Variants in PUDP observed in about 807,000 individuals in gnomAD.
PUDP encodes pseudouridine-5'-phosphatase.
A neutral mutation model predicts 9.4 loss-of-function variants in PUDP; 8 were observed. The observed-to-expected ratio is 0.85, with a 90% CI of 0.50 to 1.53. PUDP has a LOEUF of 1.53. Ranked by LOEUF, PUDP falls within the 40% of genes most tolerant of loss-of-function variation. The probability of loss-of-function intolerance (pLI) is 0.00; values close to 1 mark genes in which losing one functional copy is unlikely to be tolerated. For missense variants in PUDP, 188 were observed against 189.7 expected (o/e 0.99, Z 0.05); for synonymous variants, 99 against 80.7 (o/e 1.23, Z -1.22).
chrX:6,935,129 G>A (rs1233257138), intron 3 of PUDP, among the ~76,000 whole-genome samples: 18 of 100,614 alleles, frequency 1.8e-4, no homozygotes, highest in East Asian at 6.4e-4. Context: ...TGCACCAAGC[G>A]GACCTAATAG....
chrX:6,766,104 A>T (rs1015208738), intron 3 of PUDP, among the ~76,000 whole-genome samples: 1 of 111,884 alleles, frequency 8.9e-6, no homozygotes, highest in Non-Finnish European at 1.9e-5. Flanking sequence ...GATGCTTAAA[A>T]AAAAAACTGT....
intron 1 of PUDP, among the ~76,000 whole-genome samples, chrX:7,041,463 C>T (rs1929921005): frequency 8.9e-6 from 1 of 111,883 alleles, no homozygotes; most frequent in South Asian, 3.8e-4. Flanking sequence ...ACTGTTCCCT[C>T]GAAGGCATCA....
At chrX:6,869,892 G>T (rs1023815156) in intron 3 of PUDP, among the ~76,000 whole-genome samples, 2 of 111,380 alleles carry the variant, frequency 1.8e-5, no homozygotes, top group Non-Finnish European at 3.8e-5. Context: ...ATATGCTCTA[G>T]CAATTCTACT....
intron 3 of PUDP, among the ~76,000 whole-genome samples, chrX:6,967,960 A>G (rs1928812249): frequency 8.9e-6 from 1 of 112,357 alleles, no homozygotes; most frequent in Non-Finnish European, 1.9e-5. Context: ...GAATCTAGAC[A>G]GACAGGCTGG....
intron 3 of PUDP, among the ~76,000 whole-genome samples, chrX:6,857,336 G>A (rs1926922162): frequency 8.8e-6 from 1 of 113,182 alleles, no homozygotes; most frequent in South Asian, 3.6e-4. Context: ...TGATAAAGCT[G>A]CACTCATAGA....
Position 7,000,924 on chromosome X carries a change from G to A in PUDP, c.205-22581C>T, listed in dbSNP as rs955313689. On this transcript the variant is annotated intron_variant and NMD_transcript_variant, in intron 1 of 3. Coordinates refer to the PUDP transcript ENST00000655425. ...ACATATAATATAATATTAAATAATT[G>A]TATCAAGCTTCATCTTGGGGGAAAA... is the stretch of plus-strand genomic sequence containing the variant. Among the ~76,000 whole-genome samples the A allele has an allele frequency of 3.7e-5, 4 of 107,457 alleles. No individual in the cohort carries two copies. The South Asian group carries it at 1.6e-3, about 43-fold the overall frequency. 93.3% of individuals were successfully genotyped at this position (107,457 alleles called of 115,157 possible). A position where few individuals can be genotyped will look rare whatever the true frequency, so the allele number is the denominator to read the frequency against.
intron 3 of PUDP, among the ~76,000 whole-genome samples, chrX:6,763,167 T>C (rs762221387): frequency 4.4e-4 from 49 of 112,251 alleles, no homozygotes; most frequent in Non-Finnish European, 8.1e-4. Context: ...GGTGGGTGGA[T>C]CAGTTGAGGC....
intron 3 of PUDP, among the ~76,000 whole-genome samples, chrX:6,757,289 C>T (rs1404934142): frequency 9.0e-6 from 1 of 111,183 alleles, no homozygotes; most frequent in Non-Finnish European, 1.9e-5. Flanking sequence ...AACATATTTT[C>T]AGCCAGGGTC....
At chrX:6,803,867 G>C (rs769859372) in intron 3 of PUDP, among the ~76,000 whole-genome samples, 131 of 111,250 alleles carry the variant, frequency 1.2e-3, no homozygotes, top group Middle Eastern at 9.2e-3. Flanking sequence ...ATAGCTCCAA[G>C]GTAAAGAATA....
At chrX:6,967,100 C>T (rs189876441) in intron 3 of PUDP, among the ~76,000 whole-genome samples, 1 of 111,980 alleles carries the variant, frequency 8.9e-6, no homozygotes, top group Admixed American at 9.4e-5. Context: ...GGTCACGTTC[C>T]TCCTTTCAGG....
chrX:6,720,234 GTATA>G (rs1569086926), intron 1 of PUDP, among the ~76,000 whole-genome samples: 158 of 72,165 alleles, frequency 2.2e-3, no homozygotes, highest in African/African-American at 8.6e-3. Context: ...ATATATGTGT[GTATA>G]TATGTATGTG....
intron 1 of PUDP, among the ~76,000 whole-genome samples, chrX:7,038,865 G>A (rs1367355161): frequency 8.9e-6 from 1 of 112,012 alleles, no homozygotes; most frequent in Non-Finnish European, 1.9e-5. Context: ...TCCTCGGATT[G>A]TTCCTTCATT....
chrX:6,961,773 G>A (rs1569131605), intron 3 of PUDP, among the ~76,000 whole-genome samples: 2 of 111,374 alleles, frequency 1.8e-5, no homozygotes, highest in African/African-American at 3.3e-5. Context: ...AACAGAACTT[G>A]GGAGTCTGAG....
intron 1 of PUDP, among the ~76,000 whole-genome samples, chrX:7,125,504 A>G (rs770527210): frequency 9.0e-6 from 1 of 111,642 alleles, no homozygotes; most frequent in South Asian, 3.8e-4. Context: ...CACAACATGC[A>G]CAAAGGCTTT....
At chrX:6,781,986 G>A (rs1925570022) in intron 3 of PUDP, among the ~76,000 whole-genome samples, 1 of 112,090 alleles carries the variant, frequency 8.9e-6, no homozygotes, top group African/African-American at 3.2e-5. Flanking sequence ...GCTTATCAGA[G>A]TCCTTTTCTC....
At chrX:6,884,127 A>T (rs1484644836) in intron 3 of PUDP, among the ~76,000 whole-genome samples, 1 of 112,360 alleles carries the variant, frequency 8.9e-6, no homozygotes, top group African/African-American at 3.2e-5. Context: ...GGCGTGAGCC[A>T]CCGTGCCGGG....
intron 2 of PUDP, among the ~76,000 whole-genome samples, chrX:7,078,669 G>A (rs1190416642): frequency 8.0e-5 from 9 of 112,035 alleles, no homozygotes. Context: ...TTTGTCAATT[G>A]TTACACAAAA....
rs113300792 is a variant in PUDP, at chrX:6,858,335, CT to C, written c.*247+118797del. Among the ~76,000 whole-genome samples, 299 of 67,762 alleles carry C rather than the reference CT, an allele frequency of 4.4e-3. 2 individuals carry two copies. The highest frequency in any genetic ancestry group is 0.014 in the African/African-American group (262 of 18,273). 58.8% of individuals were successfully genotyped at this position (67,762 alleles called of 115,157 possible). A position where few individuals can be genotyped will look rare whatever the true frequency, so the allele number is the denominator to read the frequency against. On this transcript the variant is annotated intron_variant and NMD_transcript_variant, in intron 3 of 3. Transcript: ENST00000655425. ...TTTTTTTTCTTTCTTTTTTTTTTTT[CT>C]TTTTTTTTTTTGATACAGGGTCTCA...
In PUDP at chrX:7,077,300, CG is replaced by C; in HGVS notation, c.429del (p.Glu144LysfsTer13). ...GGGTCTGGCTTGCCATGCTGCACTT[CG>C]GGGTCATCTCCCAGCACAATGTGGG... ...LFSHIVLGDDPEVQHGKPDPD... is the reference protein window; with the variant it reads ...LFSHIVLGDDXEVQHGKPDPD... On this transcript the variant is annotated frameshift_variant, in exon 3 of 4. Transcript: ENST00000381077. LOFTEE classifies it high-confidence loss of function. 2 of 1,209,608 alleles carry C rather than the reference CG, an allele frequency of 1.7e-6. No homozygotes were observed. Among genetic ancestry groups the C allele is most frequent in the Non-Finnish European group, 2.2e-6 (2 of 894,530 alleles).
Sources: gnomAD v4.1 joint callset for allele counts (sites outside exome capture counted in the v4.1 genomes callset) on GRCh38, gnomAD v4.1.1 for gene constraint, MANE v1.5 for transcripts, NCBI Gene and HGNC (gene_info 2026-07-23, HGNC 2026-07-21) for gene names.